The following NXPH2 variants were observed in gnomAD, a reference collection of about 807,000 sequenced individuals.
The protein encoded by NXPH2 is neurexophilin 2.
NXPH2 carries 5 observed loss-of-function variants against 19.8 expected under a neutral mutation model. That is an observed-to-expected ratio of 0.25 (90% CI 0.13 to 0.53). The LOEUF is 0.53. Among genes scored for constraint, NXPH2 ranks in the 20% least tolerant of loss-of-function variants. NXPH2 has a pLI of 0.96. For missense variants in NXPH2, 289 were observed against 322.8 expected (o/e 0.90, Z 0.80); for synonymous variants, 154 against 127.4 (o/e 1.21, Z -1.41).
chr2:138,709,445 C>T (rs1681064264), intron 1 of NXPH2, among the ~76,000 whole-genome samples: 1 of 151,758 alleles, frequency 6.6e-6, no homozygotes, highest in African/African-American at 2.4e-5. Flanking sequence ...TACCCCTGCC[C>T]CCCTCCCTAC....
chr2:138,730,356 G>C (rs1681428511), intron 1 of NXPH2, among the ~76,000 whole-genome samples: 1 of 151,930 alleles, frequency 6.6e-6, no homozygotes, highest in Non-Finnish European at 1.5e-5. Flanking sequence ...CTTTGCACCT[G>C]ACCCTAAATT....
intron 1 of NXPH2, among the ~76,000 whole-genome samples, chr2:138,712,864 G>A (rs1026531744): frequency 4.6e-5 from 7 of 152,176 alleles, no homozygotes; most frequent in Admixed American, 1.3e-4. Flanking sequence ...CTAGCACACA[G>A]CAGGTGTTCA....
intron 1 of NXPH2, among the ~76,000 whole-genome samples, chr2:138,751,801 A>AT (rs1278867593): frequency 1.3e-5 from 2 of 152,042 alleles, no homozygotes; most frequent in South Asian, 2.1e-4. Context: ...ATGTTATCAT[A>AT]TTTTTTCCAG....
At chr2:138,748,405 C>A (rs1295224258) in intron 1 of NXPH2, among the ~76,000 whole-genome samples, 1 of 152,082 alleles carries the variant, frequency 6.6e-6, no homozygotes, top group African/African-American at 2.4e-5. Context: ...TCCTGTTGCC[C>A]AACAAGGCCA....
chr2:138,674,214 T>C (rs1290483641), intron 1 of NXPH2, among the ~76,000 whole-genome samples: 1 of 151,900 alleles, frequency 6.6e-6, no homozygotes, highest in Non-Finnish European at 1.5e-5. Flanking sequence ...AGTGGAGTGG[T>C]GCAATCTCAG....
chr2:138,718,939 T>C (rs1681234959), intron 1 of NXPH2, among the ~76,000 whole-genome samples: 1 of 151,750 alleles, frequency 6.6e-6, no homozygotes. Context: ...AATCTGGAAG[T>C]CAATAGCTAC....
chr2:138,700,090 T>A (rs771190434), intron 1 of NXPH2, among the ~76,000 whole-genome samples: 20 of 152,138 alleles, frequency 1.3e-4, no homozygotes, highest in Non-Finnish European at 2.9e-4. Flanking sequence ...AGATGAGAGA[T>A]CAGGGCACAG....
At chr2:138,698,593 G>A (rs114079046) in intron 1 of NXPH2, among the ~76,000 whole-genome samples, 3,180 of 152,234 alleles carry the variant, frequency 0.021, 50 homozygotes, top group Non-Finnish European at 0.033. Context: ...GGTGACTCAG[G>A]CCTGTAATCT....
chr2:138,732,299 G>C (rs1681464667), intron 1 of NXPH2, among the ~76,000 whole-genome samples: 1 of 152,196 alleles, frequency 6.6e-6, no homozygotes. Context: ...AAGTCATAGA[G>C]AAGAGGAGAA....
chr2:138,688,328 C>T (rs1176822654), intron 1 of NXPH2, among the ~76,000 whole-genome samples: 2 of 152,152 alleles, frequency 1.3e-5, no homozygotes, highest in African/African-American at 4.8e-5. Context: ...GGATTACAGG[C>T]ACGTGCCACC....
At chr2:138,737,653 C>A (rs1327872406) in intron 1 of NXPH2, among the ~76,000 whole-genome samples, 5 of 152,176 alleles carry the variant, frequency 3.3e-5, no homozygotes, top group Non-Finnish European at 7.3e-5. Flanking sequence ...CTCTCTGGGT[C>A]ATTCTCTCCC....
chr2:138,696,777 T>C (rs774611039), intron 1 of NXPH2, among the ~76,000 whole-genome samples: 59 of 152,196 alleles, frequency 3.9e-4, no homozygotes, highest in Non-Finnish European at 7.3e-4. Context: ...TGAGTACATA[T>C]GTCTAAGCAA....
chr2:138,714,370 C>T (rs1681157336), intron 1 of NXPH2, among the ~76,000 whole-genome samples: 1 of 152,128 alleles, frequency 6.6e-6, no homozygotes, highest in Non-Finnish European at 1.5e-5. Context: ...TCCTATATCC[C>T]ACTTAATAAT....
intron 1 of NXPH2, among the ~76,000 whole-genome samples, chr2:138,709,810 C>T (rs1479767643): frequency 6.6e-6 from 1 of 152,174 alleles, no homozygotes; most frequent in Non-Finnish European, 1.5e-5. Context: ...TAGTATTGTA[C>T]ATTTAAAGTT....
intron 1 of NXPH2, among the ~76,000 whole-genome samples, chr2:138,698,162 T>A (rs914983148): frequency 5.9e-5 from 9 of 152,122 alleles, no homozygotes; most frequent in African/African-American, 2.2e-4. Flanking sequence ...ACAACCAAAA[T>A]CTCTCAAATT....
chr2:138,766,039 T>C (rs1158357177), intron 1 of NXPH2, among the ~76,000 whole-genome samples: 2 of 152,188 alleles, frequency 1.3e-5, no homozygotes, highest in Non-Finnish European at 2.9e-5. Context: ...CAGTGTCTAG[T>C]AGGAAAGGAA....
chr2:138,707,964 G>A (rs751541638), intron 1 of NXPH2, among the ~76,000 whole-genome samples: 17 of 152,096 alleles, frequency 1.1e-4, no homozygotes, highest in Admixed American at 4.6e-4. Context: ...GGACAGTCAA[G>A]CTGATTACTA....
At chr2:138,777,943 C>A (rs1444440829) in intron 1 of NXPH2, among the ~76,000 whole-genome samples, 2 of 150,500 alleles carry the variant, frequency 1.3e-5, no homozygotes, top group African/African-American at 4.9e-5. Flanking sequence ...AATATTTTAT[C>A]CCCTTGCTGT....
intron 1 of NXPH2, among the ~76,000 whole-genome samples, chr2:138,735,242 A>G (rs1336390775): frequency 6.6e-6 from 1 of 152,094 alleles, no homozygotes; most frequent in Non-Finnish European, 1.5e-5. Context: ...TTGGTATTCT[A>G]TGATGGTGTT....
Sources: allele counts gnomAD v4.1 joint callset (sites outside exome capture counted in the v4.1 genomes callset), GRCh38; gene constraint gnomAD v4.1.1; transcripts MANE v1.5; gene names NCBI Gene and HGNC (gene_info 2026-07-23, HGNC 2026-07-21).